PDE4D: variants seen among roughly 807,000 people sequenced by gnomAD.
PDE4D encodes 3',5'-cyclic-AMP phosphodiesterase 4D.
In PDE4D, 24 loss-of-function variants were observed where a neutral mutation model predicts 87.4. The observed-to-expected ratio is 0.27, with a 90% CI of 0.20 to 0.39. The LOEUF is 0.39. PDE4D is among the 10% of genes least tolerant of loss of function. The pLI, the probability that PDE4D is intolerant of heterozygous loss-of-function variation, is 1.00. For missense variants in PDE4D, 714 were observed against 1,041.0 expected (o/e 0.69, Z 4.32); for synonymous variants, 384 against 383.2 (o/e 1.00, Z -0.02).
In PDE4D at chr5:59,134,292, TCAG is replaced by T. The variant is rs200516218; in HGVS notation, c.808+46300_808+46302del. Among the ~76,000 whole-genome samples, 893 of 151,240 alleles carry T rather than the reference TCAG, an allele frequency of 5.9e-3. 12 individuals carry two copies. The highest frequency in any genetic ancestry group is 5.4e-3 in the Non-Finnish European group (368 of 67,924). On this transcript the variant is annotated intron_variant, in intron 5 of 14. Coordinates refer to ENST00000340635, the MANE Select transcript of PDE4D (RefSeq NM_001104631.2). ...CTTATCTATGATTCCTTGGATTCTC[TCAG>T]TAGTGGAAGCTCTTAAGACCACATT...
intron 2 of PDE4D, among the ~76,000 whole-genome samples, chr5:60,006,210 G>C (rs1582143601): frequency 2.0e-5 from 3 of 151,964 alleles, no homozygotes; most frequent in Middle Eastern, 6.8e-3. Context: ...TTAAAACTGG[G>C]TGATGAGTAT....
At chr5:58,984,620 A>G (rs1474690740) in intron 11 of PDE4D, among the ~76,000 whole-genome samples, 3 of 152,206 alleles carry the variant, frequency 2.0e-5, no homozygotes, top group Non-Finnish European at 4.4e-5. Flanking sequence ...TAGAGAAATA[A>G]AAAAGTGTAT....
chr5:59,181,619 C>G (rs1450085921), intron 4 of PDE4D, among the ~76,000 whole-genome samples: 1 of 146,338 alleles, frequency 6.8e-6, no homozygotes, highest in Non-Finnish European at 1.5e-5. Context: ...AGGGTGAACA[C>G]TTAATAAACA....
chr5:59,074,150 G>A (rs1191674413), intron 5 of PDE4D, among the ~76,000 whole-genome samples: 11 of 152,124 alleles, frequency 7.2e-5, no homozygotes, highest in South Asian at 2.1e-4. Flanking sequence ...TTCAAGGAAC[G>A]TTTGTTAATA....
chr5:59,934,495 A>G (rs1756342506), intron 3 of PDE4D, among the ~76,000 whole-genome samples: 1 of 152,184 alleles, frequency 6.6e-6, no homozygotes, highest in South Asian at 2.1e-4. Context: ...CAAAACTTTC[A>G]ATAAAATTTT....
At chr5:59,916,954 A>ATT (rs750105496) in intron 3 of PDE4D, among the ~76,000 whole-genome samples, 864 of 73,626 alleles carry the variant, frequency 0.012, 20 homozygotes, top group African/African-American at 0.026. Flanking sequence ...TGCCCGGCTA[A>ATT]TTTTTTTTTT....
chr5:59,938,866 G>A (rs1385148629), intron 3 of PDE4D, among the ~76,000 whole-genome samples: 1 of 152,100 alleles, frequency 6.6e-6, no homozygotes, highest in African/African-American at 2.4e-5. Context: ...ATGTCAGTAA[G>A]GAGACTTCTA....
At chr5:60,197,077 T>TTAGA (rs70975372) in intron 1 of PDE4D, among the ~76,000 whole-genome samples, 38,933 of 117,102 alleles carry the variant, frequency 0.33, 6,004 homozygotes, top group Non-Finnish European at 0.35. Flanking sequence ...AGATAGACAG[T>TTAGA]TAGATAGATA....
chr5:59,786,863 AT>A (rs543697265), intron 1 of PDE4D, among the ~76,000 whole-genome samples: 8 of 151,496 alleles, frequency 5.3e-5, no homozygotes, highest in East Asian at 1.9e-4. Context: ...CTTTTTCAAC[AT>A]TTTTTTTTCC....
At chr5:59,656,191 A>T (rs1580199347) in intron 1 of PDE4D, among the ~76,000 whole-genome samples, 1 of 152,192 alleles carries the variant, frequency 6.6e-6, no homozygotes, top group East Asian at 1.9e-4. Context: ...AGTCACAAAA[A>T]AACTCATGCA....
intron 1 of PDE4D, among the ~76,000 whole-genome samples, chr5:59,333,268 C>CT (rs576115745): frequency 1.3e-3 from 192 of 151,992 alleles, no homozygotes; most frequent in Non-Finnish European, 1.9e-3. Context: ...CTGTTATCTT[C>CT]TTTTTTTTAA....
chr5:60,163,524 A>G (rs534268720), intron 2 of PDE4D, among the ~76,000 whole-genome samples: 1 of 152,288 alleles, frequency 6.6e-6, no homozygotes, highest in South Asian at 2.1e-4. Flanking sequence ...ACAGACAGCA[A>G]AGGTAGTCTG....
intron 12 of PDE4D, 134 bp from the exon 13 acceptor site, chr5:58,976,606 T>C (rs1392802602): frequency 1.4e-6 from 1 of 699,642 alleles, no homozygotes; most frequent in Non-Finnish European, 2.4e-6. Flanking sequence ...TCCTTACTAC[T>C]CCTTGGGGGC....
At chr5:59,013,638 T>G (rs1378108530) in intron 6 of PDE4D, among the ~76,000 whole-genome samples, 1 of 152,074 alleles carries the variant, frequency 6.6e-6, no homozygotes, top group African/African-American at 2.4e-5. Context: ...GGTTCTGAAA[T>G]TAAGGCAATA....
chr5:60,020,491 T>C (rs532102958), intron 2 of PDE4D, among the ~76,000 whole-genome samples: 298 of 152,354 alleles, frequency 2.0e-3, no homozygotes, highest in African/African-American at 6.8e-3. Flanking sequence ...TGTATGTTTA[T>C]GTATACACAC....
chr5:59,181,756 A>G (rs1229562826), intron 4 of PDE4D, among the ~76,000 whole-genome samples: 1 of 152,114 alleles, frequency 6.6e-6, no homozygotes, highest in Non-Finnish European at 1.5e-5. Context: ...CAAAACTTTG[A>G]GAATTTGAAG....
At chr5:59,300,987 C>T (rs1414847108) in intron 1 of PDE4D, among the ~76,000 whole-genome samples, 3 of 152,066 alleles carry the variant, frequency 2.0e-5, no homozygotes, top group Non-Finnish European at 2.9e-5. Context: ...TTAAGAGATG[C>T]ATATAGGGTG....
intron 1 of PDE4D, among the ~76,000 whole-genome samples, chr5:59,319,130 C>T (rs1013962201): frequency 2.1e-4 from 32 of 150,712 alleles, no homozygotes; most frequent in Admixed American, 1.7e-3. Context: ...AAACTACATG[C>T]TAATTTCAAA....
At chr5:59,984,982 T>C (rs1046278813) in intron 3 of PDE4D, among the ~76,000 whole-genome samples, 2 of 152,010 alleles carry the variant, frequency 1.3e-5, no homozygotes, top group African/African-American at 4.8e-5. Flanking sequence ...ATACTAACCT[T>C]TAATAATGAG....
Sources: allele counts gnomAD v4.1 joint callset (sites outside exome capture counted in the v4.1 genomes callset), GRCh38; gene constraint gnomAD v4.1.1; transcripts MANE v1.5; gene names NCBI Gene and HGNC (gene_info 2026-07-23, HGNC 2026-07-21).